The following PRKCB variants were observed in gnomAD, a reference collection of about 807,000 sequenced individuals.
The protein encoded by PRKCB is protein kinase C beta.
Under a neutral mutation model 81.5 loss-of-function variants are expected in PRKCB, and 13 were observed. That is an observed-to-expected ratio of 0.16 (90% CI 0.10 to 0.25). PRKCB has a LOEUF of 0.25. PRKCB is among the 10% of genes least tolerant of loss of function. The pLI is 1.00. For synonymous variants in PRKCB, 335 were observed against 321.4 expected, an observed-to-expected ratio of 1.04 and a Z score of -0.45; for missense variants, 509 against 875.7, an observed-to-expected ratio of 0.58 and a Z score of 5.29.
intron 9 of PRKCB, among the ~76,000 whole-genome samples, chr16:24,152,832 C>T (rs1967099396): frequency 2.7e-5 from 4 of 149,680 alleles, no homozygotes; most frequent in Admixed American, 2.7e-4. Flanking sequence ...AGGAGCCACT[C>T]AGACTGGCAG....
chr16:23,974,914 A>G (rs1320529618), intron 2 of PRKCB, among the ~76,000 whole-genome samples: 1 of 152,150 alleles, frequency 6.6e-6, no homozygotes. Flanking sequence ...TGTCCCAAGA[A>G]TCAAATCCCA....
intron 16 of PRKCB, among the ~76,000 whole-genome samples, chr16:24,200,937 A>G (rs1382122845): frequency 6.6e-6 from 1 of 152,018 alleles, no homozygotes; most frequent in Non-Finnish European, 1.5e-5. Flanking sequence ...TATTATTGTT[A>G]TTTTGATACT....
chr16:24,120,709 G>A (rs1476976719), intron 8 of PRKCB, among the ~76,000 whole-genome samples: 1 of 151,554 alleles, frequency 6.6e-6, no homozygotes, highest in Non-Finnish European at 1.5e-5. Flanking sequence ...ACTTTGTTCA[G>A]TCTACACTGC....
At chr16:23,933,584 A>T (rs1465723754) in intron 2 of PRKCB, among the ~76,000 whole-genome samples, 1 of 152,112 alleles carries the variant, frequency 6.6e-6, no homozygotes, top group Non-Finnish European at 1.5e-5. Flanking sequence ...CAATTATTAT[A>T]TTATAGACTG....
chr16:23,956,670 C>T (rs866007829), intron 2 of PRKCB, among the ~76,000 whole-genome samples: 12 of 152,238 alleles, frequency 7.9e-5, no homozygotes, highest in East Asian at 3.9e-4. Flanking sequence ...CAACAGCGCA[C>T]GAAAGTGCCT....
intron 7 of PRKCB, among the ~76,000 whole-genome samples, chr16:24,096,716 T>C (rs1387116528): frequency 7.2e-6 from 1 of 138,666 alleles, no homozygotes; most frequent in African/African-American, 2.7e-5. Context: ...TCCTCCAATG[T>C]TACCAACAGA....
intron 2 of PRKCB, among the ~76,000 whole-genome samples, chr16:23,951,192 T>C (rs1964277441): frequency 1.3e-5 from 2 of 152,214 alleles, no homozygotes; most frequent in Non-Finnish European, 2.9e-5. Flanking sequence ...CGAATGCCCA[T>C]TCCCTTGCAT....
intron 5 of PRKCB, among the ~76,000 whole-genome samples, chr16:24,054,089 C>T (rs1287477358): frequency 6.6e-6 from 1 of 152,204 alleles, no homozygotes; most frequent in East Asian, 1.9e-4. Context: ...CCTCCTGCCT[C>T]AGCCTCCTGA....
At chr16:23,950,792 T>C (rs908870585) in intron 2 of PRKCB, among the ~76,000 whole-genome samples, 2 of 152,242 alleles carry the variant, frequency 1.3e-5, no homozygotes, top group Admixed American at 6.5e-5. Context: ...ATTTTTCCTG[T>C]TTCTCCTGAT....
intron 2 of PRKCB, among the ~76,000 whole-genome samples, chr16:23,947,011 A>G (rs1964211805): frequency 6.6e-6 from 1 of 152,102 alleles, no homozygotes; most frequent in Non-Finnish European, 1.5e-5. Context: ...ATATGCAACC[A>G]CTGCTGGCTA....
At chr16:24,160,838 G>A (rs73550961) in intron 10 of PRKCB, among the ~76,000 whole-genome samples, 2,395 of 152,200 alleles carry the variant, frequency 0.016, 48 homozygotes, top group African/African-American at 0.052. Flanking sequence ...GCAAGGGAGC[G>A]GGGCATGTGG....
intron 2 of PRKCB, among the ~76,000 whole-genome samples, chr16:23,873,033 T>TA (rs199840034): frequency 0.031 from 4,525 of 145,328 alleles, 104 homozygotes; most frequent in South Asian, 0.064. Context: ...AAATAAAAAA[T>TA]AAAAAAAAAA....
intron 5 of PRKCB, among the ~76,000 whole-genome samples, chr16:24,050,504 G>A (rs569363637): frequency 6.6e-6 from 1 of 151,070 alleles, no homozygotes; most frequent in South Asian, 2.1e-4. Flanking sequence ...GCACAAACAA[G>A]CACAAACTCA....
chr16:23,866,711 C>T (rs144226063), intron 2 of PRKCB, among the ~76,000 whole-genome samples: 1 of 152,140 alleles, frequency 6.6e-6, no homozygotes, highest in African/African-American at 2.4e-5. Flanking sequence ...AATGGCTTAG[C>T]CCTGGGGTAT....
At chr16:24,023,330 GCT>G (rs1477195030) in intron 3 of PRKCB, among the ~76,000 whole-genome samples, 1 of 152,220 alleles carries the variant, frequency 6.6e-6, no homozygotes, top group Admixed American at 6.5e-5. Flanking sequence ...CAGCATCAAG[GCT>G]AGGAAGGGAA....
Position 24,035,555 on chromosome 16 carries a change from G to T in PRKCB, c.529+8G>T. On this transcript the variant is annotated splice_region_variant and intron_variant, in intron 5 of 16. Transcript: ENST00000643927. ...ACGTCCTCATTGTCCTCGGTAGGTG[G>T]CCCTGGGGCTCCACTGGCTCCTGAC... is the stretch of plus-strand genomic sequence containing the variant. 3.8e-6 allele frequency: 6 copies of T among 1,573,104 alleles called. No individual in the cohort carries two copies. The highest frequency in any genetic ancestry group is 5.2e-6 in the Non-Finnish European group (6 of 1,155,850).
intron 5 of PRKCB, among the ~76,000 whole-genome samples, chr16:24,060,968 C>A (rs906907446): frequency 6.6e-6 from 1 of 152,154 alleles, no homozygotes. Flanking sequence ...TATCTTTTCT[C>A]TAAAATATAA....
At chr16:24,116,762 G>C (rs946292556) in intron 8 of PRKCB, among the ~76,000 whole-genome samples, 3 of 151,070 alleles carry the variant, frequency 2.0e-5, no homozygotes, top group Non-Finnish European at 4.4e-5. Flanking sequence ...CTGATGAAGT[G>C]GTATCATTTG....
At chr16:24,198,303 G>A (rs1567410072) in intron 16 of PRKCB, among the ~76,000 whole-genome samples, 2 of 152,194 alleles carry the variant, frequency 1.3e-5, no homozygotes, top group Admixed American at 6.5e-5. Flanking sequence ...ATGAAGTCCT[G>A]TCACTCTTCC....
Sources: allele counts gnomAD v4.1 joint callset (sites outside exome capture counted in the v4.1 genomes callset), GRCh38; gene constraint gnomAD v4.1.1; transcripts MANE v1.5; gene names NCBI Gene and HGNC (gene_info 2026-07-23, HGNC 2026-07-21).